LPAR1: variants seen among roughly 807,000 people sequenced by gnomAD.
LPAR1 encodes the protein LPA receptor 1.
LPAR1 carries 5 observed loss-of-function variants against 23.8 expected under a neutral mutation model. The ratio of observed to expected loss-of-function variants is 0.21; its 90% CI spans 0.11 to 0.44. LPAR1 has a LOEUF of 0.44. LPAR1 is among the 20% of genes least tolerant of loss of function. The pLI, the probability that LPAR1 is intolerant of heterozygous loss-of-function variation, is 0.99. For missense variants in LPAR1, 311 were observed against 482.8 expected, an observed-to-expected ratio of 0.64 and a Z score of 3.33; for synonymous variants, 160 against 164.7, an observed-to-expected ratio of 0.97 and a Z score of 0.22.
At chr9:110,945,443 A>G (rs1169822655) in intron 4 of LPAR1, 3 of 152,324 alleles carry the variant, frequency 2.0e-5, no homozygotes, top group Non-Finnish European at 4.4e-5. Context: ...AAGAGATAGA[A>G]AGAGAAAAAG....
rs533144289 is a variant in LPAR1 at position 111,018,382 on chromosome 9, TA to T, written c.-182+17739del. On this transcript the variant is annotated intron_variant, in intron 2 of 5. Transcript: ENST00000683809. ...ATCCCTGCCTTTTAAGGCAACAAATTATATTACCAGGAATCTACTCTAAAGA... is the reference window on the plus strand; with the variant it reads ...ATCCCTGCCTTTTAAGGCAACAAATTTATTACCAGGAATCTACTCTAAAGA... 3.3e-5 allele frequency among the ~76,000 whole-genome samples: 5 copies of T among 152,312 alleles called. No homozygotes were observed. The South Asian group carries it at 1.0e-3, about 32-fold the overall frequency.
At chr9:110,999,824 C>G (rs1588772437) in intron 2 of LPAR1, among the ~76,000 whole-genome samples, 2 of 152,010 alleles carry the variant, frequency 1.3e-5, no homozygotes, top group East Asian at 3.9e-4. Flanking sequence ...GCCACCTAAG[C>G]CTCCCAAGAA....
chr9:110,922,173 C>T (rs755965952), intron 5 of LPAR1, among the ~76,000 whole-genome samples: 2 of 152,120 alleles, frequency 1.3e-5, no homozygotes, highest in Non-Finnish European at 2.9e-5. Flanking sequence ...GACTCTGGTT[C>T]CCAAACTGTG....
chr9:110,934,656 A>G (rs1171794485), intron 5 of LPAR1: 2 of 152,226 alleles, frequency 1.3e-5, no homozygotes, highest in Non-Finnish European at 2.9e-5. Context: ...TATTTACAGA[A>G]TAAATAGAAT....
intron 5 of LPAR1, among the ~76,000 whole-genome samples, chr9:110,907,662 G>A (rs1402932607): frequency 6.6e-6 from 1 of 152,058 alleles, no homozygotes; most frequent in African/African-American, 2.4e-5. Context: ...CTTTGCATGG[G>A]AGACTACAGG....
intron 5 of LPAR1, among the ~76,000 whole-genome samples, chr9:110,900,235 T>C (rs2088275397): frequency 6.6e-6 from 1 of 152,212 alleles, no homozygotes. Flanking sequence ...ATCAGTTTCC[T>C]TGACTTTTCC....
At chr9:110,948,422 T>G (rs1173380999) in intron 4 of LPAR1, among the ~76,000 whole-genome samples, 1 of 152,212 alleles carries the variant, frequency 6.6e-6, no homozygotes, top group Non-Finnish European at 1.5e-5. Flanking sequence ...TTAGGAGGTT[T>G]ATCTGAAAAA....
At chr9:110,973,187 T>G (rs1273382137) in intron 3 of LPAR1, among the ~76,000 whole-genome samples, 2 of 152,188 alleles carry the variant, frequency 1.3e-5, no homozygotes, top group African/African-American at 4.8e-5. Flanking sequence ...GGACCAAGTT[T>G]GACTGCAGGT....
chr9:111,007,116 T>G (rs1013629635), intron 2 of LPAR1, among the ~76,000 whole-genome samples: 1 of 151,998 alleles, frequency 6.6e-6, no homozygotes, highest in African/African-American at 2.4e-5. Flanking sequence ...AGGTGCCTCC[T>G]CCCCCTTCAC....
At chr9:110,890,418 T>TA (rs1446041354) in intron 5 of LPAR1, among the ~76,000 whole-genome samples, 3 of 152,124 alleles carry the variant, frequency 2.0e-5, no homozygotes, top group East Asian at 1.9e-4. Flanking sequence ...TATTAACATT[T>TA]AAAAAAAATT....
chr9:110,885,362 G>C (rs957903027), intron 5 of LPAR1, among the ~76,000 whole-genome samples: 2 of 152,164 alleles, frequency 1.3e-5, no homozygotes, highest in African/African-American at 2.4e-5. Context: ...TGCCACCAAA[G>C]TCAGCTTTTC....
chr9:110,986,331 G>A (rs1380663985), intron 2 of LPAR1, among the ~76,000 whole-genome samples: 2 of 151,998 alleles, frequency 1.3e-5, no homozygotes, highest in Non-Finnish European at 2.9e-5. Context: ...ACCAAGCTTC[G>A]GGCAGGCTAG....
chr9:110,943,960 C>T (rs575695699), intron 4 of LPAR1, among the ~76,000 whole-genome samples: 29 of 151,566 alleles, frequency 1.9e-4, no homozygotes, highest in African/African-American at 6.0e-4. Context: ...AAAGTCTAAA[C>T]TTTTCAATCA....
chr9:110,932,337 AG>A (rs1247007127), intron 5 of LPAR1, among the ~76,000 whole-genome samples: 4 of 152,352 alleles, frequency 2.6e-5, no homozygotes, highest in African/African-American at 9.6e-5. Flanking sequence ...GTGAGAGATT[AG>A]GAGTTATTAA....
intron 2 of LPAR1, among the ~76,000 whole-genome samples, chr9:111,029,301 T>C (rs1205028852): frequency 6.6e-6 from 1 of 152,172 alleles, no homozygotes; most frequent in Non-Finnish European, 1.5e-5. Context: ...TGCATGGTTT[T>C]AGACATGTCT....
intron 5 of LPAR1, among the ~76,000 whole-genome samples, chr9:110,927,585 C>A (rs1424243554): frequency 6.6e-6 from 1 of 151,790 alleles, no homozygotes; most frequent in Non-Finnish European, 1.5e-5. Context: ...AAATTGAAAA[C>A]AAAACTGAAA....
chr9:110,972,715 G>C (rs991228292), intron 3 of LPAR1, among the ~76,000 whole-genome samples: 2 of 152,140 alleles, frequency 1.3e-5, no homozygotes, highest in Non-Finnish European at 2.9e-5. Flanking sequence ...GGGAAGCCGA[G>C]GGGGAAGGAT....
At chr9:110,972,981 G>A (rs900528940) in intron 3 of LPAR1, among the ~76,000 whole-genome samples, 4 of 151,790 alleles carry the variant, frequency 2.6e-5, no homozygotes, top group African/African-American at 9.7e-5. Context: ...AAGAAACTGT[G>A]AATAGTACCC....
intron 5 of LPAR1, among the ~76,000 whole-genome samples, chr9:110,933,679 AT>A (rs1325104765): frequency 6.6e-6 from 1 of 152,194 alleles, no homozygotes; most frequent in Non-Finnish European, 1.5e-5. Context: ...TCTTTGCATC[AT>A]TTATTACCTT....
Sources: allele counts gnomAD v4.1 joint callset (sites outside exome capture counted in the v4.1 genomes callset), GRCh38; gene constraint gnomAD v4.1.1; transcripts MANE v1.5; gene names NCBI Gene and HGNC (gene_info 2026-07-23, HGNC 2026-07-21).